The following AR variants were observed in gnomAD, a reference collection of about 807,000 sequenced individuals.
AR encodes dihydrotestosterone receptor.
A neutral mutation model predicts 53.9 loss-of-function variants in AR; 8 were observed. The ratio of observed to expected loss-of-function variants is 0.15; its 90% CI spans 0.09 to 0.27. AR has a LOEUF of 0.27. Among genes scored for constraint, AR ranks in the 10% least tolerant of loss-of-function variants. AR has a pLI of 1.00. For synonymous variants in AR, 359 were observed against 316.4 expected (o/e 1.13, Z -1.43); for missense variants, 639 against 742.5 (o/e 0.86, Z 1.62).
In AR at chrX:67,603,177, T is replaced by C. The variant is rs146308640; in HGVS notation, c.1617-40079T>C. ...GGATACAGAGGTCATATGCCTGTTA[T>C]TCTACTGTGGCAGAGAAAATATGGA... On this transcript the variant is annotated intron_variant, in intron 1 of 7. Transcript: ENST00000374690. Among the ~76,000 whole-genome samples, 800 of 111,915 alleles carry C rather than the reference T, an allele frequency of 7.1e-3. 2 individuals carry two copies. The highest frequency in any genetic ancestry group is 0.018 in the Middle Eastern group (4 of 218).
intron 2 of AR, among the ~76,000 whole-genome samples, chrX:67,669,643 T>C (rs192452087): frequency 9.0e-6 from 1 of 111,478 alleles, no homozygotes; most frequent in Admixed American, 9.6e-5. Flanking sequence ...AGTGGTGTGT[T>C]AAAATCTCTA....
intron 3 of AR, among the ~76,000 whole-genome samples, chrX:67,703,301 A>G (rs2076050586): frequency 8.9e-6 from 1 of 112,056 alleles, no homozygotes; most frequent in Admixed American, 9.5e-5. Context: ...CCTCAGAATT[A>G]TGACCTTTTC....
At chrX:67,708,749 G>A (rs1602270360) in intron 3 of AR, among the ~76,000 whole-genome samples, 1 of 111,746 alleles carries the variant, frequency 8.9e-6, no homozygotes, top group Non-Finnish European at 1.9e-5. Context: ...TTTCTGCTCT[G>A]TTTTTTCCCC....
At chrX:67,680,600 T>C in intron 2 of AR, 1 of 296,032 alleles carries the variant, frequency 3.4e-6, no homozygotes. Context: ...AATACTACAT[T>C]CTTCAGGATT....
At position 67,638,520 on chromosome X, in the gene AR, C is replaced by G. The variant is rs747486017; in HGVS notation, c.1617-4736C>G. 3.6e-5 allele frequency among the ~76,000 whole-genome samples: 4 copies of G among 111,935 alleles called. No homozygotes were observed. In the South Asian group the frequency reaches 1.5e-3, roughly 42 times the overall value. ...GACTTTTTAATGATCACGATTCTAA[C>G]TGGCGTGAGATGGTATTTCATTGTG... On this transcript the variant is annotated intron_variant, in intron 1 of 7. Coordinates refer to ENST00000374690, the MANE Select transcript of AR (RefSeq NM_000044.6).
chrX:67,598,771 A>AT (rs373222096), intron 1 of AR, among the ~76,000 whole-genome samples: 6,126 of 104,278 alleles, frequency 0.059, 415 homozygotes, highest in African/African-American at 0.19. Flanking sequence ...TCTCACCTCA[A>AT]TTTTTTTTTT....
chrX:67,708,789 T>C (rs1485121820), intron 3 of AR, among the ~76,000 whole-genome samples: 1 of 111,788 alleles, frequency 8.9e-6, no homozygotes, highest in Non-Finnish European at 1.9e-5. Context: ...CCTTTGGTCT[T>C]TGATGATGGT....
chrX:67,679,509 C>A (rs779690384), intron 2 of AR, among the ~76,000 whole-genome samples: 8 of 111,408 alleles, frequency 7.2e-5, no homozygotes, highest in Non-Finnish European at 1.5e-4. Flanking sequence ...ACAACACATC[C>A]CTAGAAGTGG....
chrX:67,646,801 C>T (rs1926079622), intron 2 of AR, among the ~76,000 whole-genome samples: 1 of 110,939 alleles, frequency 9.0e-6, no homozygotes, highest in South Asian at 3.9e-4. Context: ...AAATTACAAA[C>T]ATAATCATCA....
intron 1 of AR, among the ~76,000 whole-genome samples, chrX:67,550,338 C>T (rs1929943865): frequency 1.8e-5 from 2 of 111,326 alleles, no homozygotes; most frequent in Admixed American, 9.5e-5. Flanking sequence ...TTTGCTGGTA[C>T]GTTTAATTTT....
rs2147319865 is a variant in AR, at chrX:67,546,205, G to C, written c.1059G>C (p.Leu353=). Residue 353 remains leucine, a synonymous_variant, in exon 1 of 8, where the codon CTG becomes CTC. Coordinates refer to ENST00000374690, the MANE Select transcript of AR (RefSeq NM_000044.6). ...TGTCTCTCTACAAGTCCGGAGCACT[G>C]GACGAGGCAGCTGCGTACCAGAGTC... The part of the protein sequence containing the change: ...STLSLYKSGA[L]DEAAAYQSRD... The C allele has an allele frequency of 8.3e-7, 1 of 1,211,737 alleles. No individual in the cohort carries two copies. Among genetic ancestry groups the C allele is most frequent in the Non-Finnish European group, 1.1e-6 (1 of 895,427 alleles).
chrX:67,598,695 A>T (rs1569278820), intron 1 of AR, among the ~76,000 whole-genome samples: 1 of 111,217 alleles, frequency 9.0e-6, no homozygotes, highest in East Asian at 2.8e-4. Flanking sequence ...TTCAAATATT[A>T]TTTTATTAAT....
chrX:67,545,644 G>A lies in AR; in HGVS notation c.498G>A (p.Leu166=), dbSNP rs2147316778. The change falls in exon 1 of 8, where the codon CTG becomes CTA. Residue 166 remains leucine (L), a synonymous_variant. Transcript: ENST00000374690. The stretch of plus-strand genomic sequence containing the variant: ...CAGCTGCCCCATCCACGTTGTCCCT[G>A]CTGGGCCCCACTTTCCCCGGCTTAA... ...DDSAAPSTLS[L]LGPTFPGLSS... is the part of the protein sequence containing the mutation. The A allele has an allele frequency of 8.4e-7, 1 of 1,195,477 alleles. No homozygotes were observed. The highest frequency in any genetic ancestry group is 2.3e-5 in the Admixed American group (1 of 43,864).
chrX:67,633,858 A>G (rs1170120426), intron 1 of AR, among the ~76,000 whole-genome samples: 1 of 112,076 alleles, frequency 8.9e-6, no homozygotes, highest in Non-Finnish European at 1.9e-5. Flanking sequence ...TCCATAAAAG[A>G]AAAATATTTA....
chrX:67,601,182 T>C (rs1281112117), intron 1 of AR, among the ~76,000 whole-genome samples: 1 of 112,394 alleles, frequency 8.9e-6, no homozygotes, highest in African/African-American at 3.2e-5. Context: ...GTTTCAAATA[T>C]AAATTGTTTG....
chrX:67,715,400 C>A (rs1416123271), intron 4 of AR, among the ~76,000 whole-genome samples: 1 of 111,236 alleles, frequency 9.0e-6, no homozygotes, highest in African/African-American at 3.3e-5. Flanking sequence ...GGAGCTAAGA[C>A]TGCTAAGATG....
chrX:67,651,466 C>T (rs1926341219), intron 2 of AR, among the ~76,000 whole-genome samples: 2 of 111,112 alleles, frequency 1.8e-5, no homozygotes, highest in Non-Finnish European at 3.8e-5. Context: ...TGAGGCTTTG[C>T]CAGTTCATCA....
intron 1 of AR, among the ~76,000 whole-genome samples, chrX:67,591,049 C>G (rs1487929396): frequency 1.8e-5 from 2 of 111,605 alleles, no homozygotes; most frequent in African/African-American, 6.5e-5. Flanking sequence ...GGGTTTCTTC[C>G]AGGCATCATA....
intron 1 of AR, among the ~76,000 whole-genome samples, chrX:67,619,495 T>C (rs893423307): frequency 3.6e-5 from 4 of 110,898 alleles, no homozygotes; most frequent in African/African-American, 1.3e-4. Flanking sequence ...AGTTGAGTCA[T>C]TGGGGATTGC....
Sources: allele counts gnomAD v4.1 joint callset (sites outside exome capture counted in the v4.1 genomes callset), GRCh38; gene constraint gnomAD v4.1.1; transcripts MANE v1.5; gene names NCBI Gene and HGNC (gene_info 2026-07-23, HGNC 2026-07-21).